Variants in CERK observed in about 807,000 individuals in gnomAD.
CERK encodes ceramide kinase, also known as acylsphingosine kinase.
CERK carries 39 observed loss-of-function variants against 63.4 expected under a neutral mutation model. The ratio of observed to expected loss-of-function variants is 0.61; its 90% CI spans 0.48 to 0.80. CERK has a LOEUF of 0.80. Ranked by LOEUF, CERK falls within the 30% of genes least tolerant of loss-of-function variation. CERK has a pLI of 0.00. For missense variants in CERK, 670 were observed against 714.1 expected, an observed-to-expected ratio of 0.94 and a Z score of 0.70; for synonymous variants, 302 against 280.0, an observed-to-expected ratio of 1.08 and a Z score of -0.78.
chr22:46,689,985 C>T lies in CERK; in HGVS notation c.1541+7G>A, dbSNP rs1319022702. 2 of 1,595,258 alleles carry T rather than the reference C, an allele frequency of 1.3e-6. No homozygotes were observed. The highest frequency in any genetic ancestry group is 3.4e-5 in the Admixed American group (2 of 58,622). The stretch of plus-strand genomic sequence containing the variant: ...GGCGCTGGTGGCTGGAGGACCCCTG[C>T]ACGCACCTGACCTCGATGGCAGGGC... On this transcript the variant is annotated splice_region_variant and intron_variant, in intron 12 of 12. Coordinates refer to ENST00000216264, the MANE Select transcript of CERK (RefSeq NM_022766.6).
intron 6 of CERK, among the ~76,000 whole-genome samples, chr22:46,707,151 G>GAC (rs2082816870): frequency 6.6e-6 from 1 of 152,150 alleles, no homozygotes; most frequent in South Asian, 2.1e-4. Flanking sequence ...CCAGAGCTGT[G>GAC]ACGAGAGTGA....
At chr22:46,707,593 C>T (rs543826507) in intron 6 of CERK, among the ~76,000 whole-genome samples, 18 of 152,340 alleles carry the variant, frequency 1.2e-4, no homozygotes, top group Admixed American at 3.3e-4. Flanking sequence ...GCACCCCCAG[C>T]GGTGGGGTTC....
Position 46,728,723 on chromosome 22 carries a change from G to A in CERK, c.143-7708C>T, listed in dbSNP as rs553929736. On this transcript the variant is annotated intron_variant, in intron 1 of 12. Coordinates refer to ENST00000216264, the MANE Select transcript of CERK (RefSeq NM_022766.6). ...CCGGGGACACCAGAGATCCACAGCA[G>A]CAGGCCCGCTGGCTGGAGAGGCCAG... 2.7e-4 allele frequency among the ~76,000 whole-genome samples: 41 copies of A among 152,360 alleles called. 1 individual carries two copies. The highest frequency in any genetic ancestry group is 9.9e-4 in the African/African-American group (41 of 41,588).
At chr22:46,719,387 C>A (rs916747007) in intron 3 of CERK, among the ~76,000 whole-genome samples, 2 of 150,928 alleles carry the variant, frequency 1.3e-5, no homozygotes, top group Non-Finnish European at 3.0e-5. Context: ...TGGACACATC[C>A]CTGGCTGGGC....
At chr22:46,726,190 C>T (rs1485626766) in intron 1 of CERK, among the ~76,000 whole-genome samples, 1 of 152,234 alleles carries the variant, frequency 6.6e-6, no homozygotes, top group Non-Finnish European at 1.5e-5. Flanking sequence ...CTCACGCAGC[C>T]GTCGGGAGGC....
Position 46,720,845 on chromosome 22 carries a change from C to G in CERK, c.256+57G>C, listed in dbSNP as rs957479548. 235 of 1,068,840 alleles carry G rather than the reference C, an allele frequency of 2.2e-4. 1 individual carries two copies. The highest frequency in any genetic ancestry group is 6.0e-4 in the Middle Eastern group (3 of 4,996). The allele number at this position is 1,068,840 out of a possible 1,614,324, so 66.2% of individuals were successfully genotyped here. On this transcript the variant is annotated intron_variant, in intron 2 of 12. Transcript: ENST00000216264. ...AACAAGTAACAGAAAAGTTCCCTCT[C>G]GTGTAATCTACATAGAATTAATGAA...
In CERK at chr22:46,690,123, G is replaced by A. The variant is rs750950953; in HGVS notation, c.1410C>T (p.Ser470=). The change falls in exon 12 of 13, where the codon AGC becomes AGT. Residue 470 remains serine, a synonymous_variant. Coordinates refer to ENST00000216264, the MANE Select transcript of CERK (RefSeq NM_022766.6). ...GCTTCTTCCCCCCCTCCTTGAGGTC[G>A]CTGTCCTCATCCTCCATGTGCTTCG... ...FTSKHMEDED[S]DLKEGGKKRF... is the part of the protein sequence containing the mutation. 52 of 1,613,828 alleles carry A rather than the reference G, an allele frequency of 3.2e-5. No individual in the cohort carries two copies. Among genetic ancestry groups the A allele is most frequent in the South Asian group, 5.5e-5 (5 of 91,072 alleles).
chr22:46,724,446 G>T (rs527333692), intron 1 of CERK, among the ~76,000 whole-genome samples: 1 of 152,282 alleles, frequency 6.6e-6, no homozygotes, highest in African/African-American at 2.4e-5. Flanking sequence ...CACTGGGTGC[G>T]GCTCAGGACA....
chr22:46,690,945 A>G (rs552186273), intron 11 of CERK, among the ~76,000 whole-genome samples: 10 of 152,212 alleles, frequency 6.6e-5, no homozygotes, highest in Admixed American at 5.2e-4. Flanking sequence ...ATGTGTGTGT[A>G]TATGTATGTA....
intron 6 of CERK, among the ~76,000 whole-genome samples, chr22:46,703,895 G>A (rs1398571357): frequency 1.7e-5 from 1 of 59,260 alleles, no homozygotes; most frequent in Non-Finnish European, 3.0e-5. Context: ...TCCTTGTCCC[G>A]AACACCCCCA....
chr22:46,722,016 G>C (rs1010004260), intron 1 of CERK, among the ~76,000 whole-genome samples: 1 of 152,210 alleles, frequency 6.6e-6, no homozygotes, highest in Non-Finnish European at 1.5e-5. Context: ...TTGCCCAGGA[G>C]AGCATGGGAT....
intron 8 of CERK, among the ~76,000 whole-genome samples, chr22:46,697,684 T>C (rs1266092195): frequency 6.6e-6 from 1 of 152,164 alleles, no homozygotes; most frequent in Non-Finnish European, 1.5e-5. Flanking sequence ...TTTGTATTTT[T>C]AGTAGAGACA....
intron 6 of CERK, among the ~76,000 whole-genome samples, chr22:46,703,679 G>C (rs921345018): frequency 6.6e-6 from 1 of 152,010 alleles, no homozygotes; most frequent in Non-Finnish European, 1.5e-5. Context: ...CCCATGCAGC[G>C]CCCTTACCGT....
intron 6 of CERK, among the ~76,000 whole-genome samples, chr22:46,703,463 G>A (rs981925468): frequency 9.2e-5 from 14 of 152,284 alleles, no homozygotes; most frequent in Middle Eastern, 3.4e-3. Flanking sequence ...CCGGCCGTGC[G>A]CATCCAGGCG....
At chr22:46,687,268 C>T in intron 12 of CERK, 62 bp from the exon 13 acceptor site, 1 of 1,311,252 alleles carries the variant, frequency 7.6e-7, no homozygotes, top group Non-Finnish European at 1.1e-6. Context: ...TGGCCTGAGC[C>T]CCACTCCTGG....
chr22:46,691,876 A>T, intron 10 of CERK, 99 bp from the exon 11 acceptor site: 264 of 733,064 alleles, frequency 3.6e-4, no homozygotes, highest in Non-Finnish European at 4.8e-4. Context: ...TCACCTGCTC[A>T]TGCATTTAGC....
rs115831325 is a variant in CERK, at chr22:46,702,802, C to T, written c.716-1092G>A. Reference sequence around the variant, plus strand: ...GCTGCAGCTGCCCCGGCTGATCGCACGGCCTTCCCTCTGAGGACCATGCTC... The same window carrying T: ...GCTGCAGCTGCCCCGGCTGATCGCATGGCCTTCCCTCTGAGGACCATGCTC... On this transcript the variant is annotated intron_variant, in intron 6 of 12. Transcript: ENST00000216264. 3.5e-3 allele frequency among the ~76,000 whole-genome samples: 536 copies of T among 152,344 alleles called. 3 individuals are homozygous for T. Among genetic ancestry groups the T allele is most frequent in the African/African-American group, 0.011 (471 of 41,580 alleles).
chr22:46,731,934 C>T (rs1384086157), intron 1 of CERK, among the ~76,000 whole-genome samples: 1 of 152,054 alleles, frequency 6.6e-6, no homozygotes, highest in African/African-American at 2.4e-5. Context: ...ACTTCCAATC[C>T]CCATCATCCA....
At position 46,686,147 on chromosome 22, in the gene CERK, C is replaced by T. The variant is rs527366644; in HGVS notation, c.*987G>A. ...CGAGGCAAAAGACAGACATCCGAGA[C>T]GCAGTTTACACTACTCTGGCTTAAA... On this transcript the variant is annotated 3_prime_UTR_variant, in exon 13 of 13. Transcript: ENST00000216264. The T allele has an allele frequency of 2.3e-4, 35 of 152,198 alleles. 1 individual carries two copies. The East Asian group carries it at 3.9e-3, about 17-fold the overall frequency. The allele number at this position is 152,198 out of a possible 1,614,324, so 9.4% of individuals were successfully genotyped here.
Sources: gnomAD v4.1 joint callset for allele counts (sites outside exome capture counted in the v4.1 genomes callset) on GRCh38, gnomAD v4.1.1 for gene constraint, MANE v1.5 for transcripts, NCBI Gene and HGNC (gene_info 2026-07-23, HGNC 2026-07-21) for gene names.